Variants in SP140L observed in about 807,000 individuals in gnomAD.
SP140L encodes the protein nuclear body protein SP140-like protein.
Under a neutral mutation model 84.3 loss-of-function variants are expected in SP140L, and 64 were observed. The observed-to-expected ratio is 0.76, with a 90% confidence interval of 0.62 to 0.94. The LOEUF is 0.94. Ranked by LOEUF, SP140L falls within the 40% of genes least tolerant of loss-of-function variation. SP140L has a pLI of 0.00. For synonymous variants in SP140L, 242 were observed against 236.9 expected (o/e 1.02, Z -0.20); for missense variants, 628 against 692.5 (o/e 0.91, Z 1.05).
In SP140L at chr2:230,357,953, A is replaced by G. The variant is rs779833276; in HGVS notation, c.256A>G (p.Asn86Asp). The G allele has an allele frequency of 2.5e-6, 4 of 1,613,086 alleles. No individual in the cohort carries two copies. The Admixed American group carries it at 5.0e-5, about 20-fold the overall frequency. ...EGLRDRELIT[N>D]KMFEDSEDSC... The stretch of plus-strand genomic sequence containing the variant: ...CCTCCGCGATCGGGAACTCATCACA[A>G]ATAAAATGTTTGAAGTAAGTAAAGT... Residue 86 changes from asparagine (N) to aspartate (D), a missense_variant, in exon 3 of 19, where the codon AAT becomes GAT. Coordinates refer to ENST00000415673, the MANE Select transcript of SP140L (RefSeq NM_138402.6).
chr2:230,361,708 C>G lies in SP140L; in HGVS notation c.523+11C>G. The G allele has an allele frequency of 6.5e-7, 1 of 1,549,828 alleles. No homozygotes were observed. The highest frequency in any genetic ancestry group is 8.7e-7 in the Non-Finnish European group (1 of 1,143,904). On this transcript the variant is annotated intron_variant, in intron 5 of 18. Transcript: ENST00000415673. The stretch of plus-strand genomic sequence containing the variant: ...TAAGTCTTAAACAAGGTAAAAATGA[C>G]AGAATAAAAACGGTTTCTCATCCGC...
chr2:230,330,091 G>C (rs1330798750), intron 2 of SP140L, among the ~76,000 whole-genome samples: 1 of 152,056 alleles, frequency 6.6e-6, no homozygotes, highest in African/African-American at 2.4e-5. Flanking sequence ...CAACCCATCT[G>C]GGCAGGCTCG....
intron 2 of SP140L, among the ~76,000 whole-genome samples, chr2:230,356,539 G>A (rs1427696229): frequency 6.6e-6 from 1 of 152,194 alleles, no homozygotes; most frequent in Non-Finnish European, 1.5e-5. Context: ...ATTAACATCT[G>A]ACAGAATAAA....
At position 230,402,904 on chromosome 2, in the gene SP140L, A is replaced by G; in HGVS notation, c.*8A>G. ...ACAAATGGGAACAGTTGACTGGTTTAGTGGATGCTGAAGGCCTTCAGGAAA... is the reference window on the plus strand; with the variant it reads ...ACAAATGGGAACAGTTGACTGGTTTGGTGGATGCTGAAGGCCTTCAGGAAA... On this transcript the variant is annotated 3_prime_UTR_variant, in exon 19 of 19. Coordinates refer to ENST00000415673, the MANE Select transcript of SP140L (RefSeq NM_138402.6). 2 of 1,602,366 alleles carry G rather than the reference A, an allele frequency of 1.2e-6. No individual in the cohort carries two copies. Among genetic ancestry groups the G allele is most frequent in the Non-Finnish European group, 1.7e-6 (2 of 1,175,898 alleles).
intron 4 of SP140L, among the ~76,000 whole-genome samples, chr2:230,361,292 C>A (rs1235152659): frequency 6.6e-6 from 1 of 152,148 alleles, no homozygotes; most frequent in East Asian, 1.9e-4. Flanking sequence ...GGACTTGAGA[C>A]CATCCTTCCA....
intron 5 of SP140L, among the ~76,000 whole-genome samples, chr2:230,369,896 C>G (rs1021633020): frequency 6.6e-6 from 1 of 152,154 alleles, no homozygotes; most frequent in Admixed American, 6.5e-5. Context: ...GCCTCAGCCT[C>G]CCAAGTAGCT....
chr2:230,383,412 C>G (rs1326360791), intron 7 of SP140L, 98 bp from the exon 8 acceptor site: 2 of 1,329,942 alleles, frequency 1.5e-6, no homozygotes, highest in Non-Finnish European at 2.0e-6. Context: ...TTCCTGTGGA[C>G]CAAAGTATGA....
intron 7 of SP140L, among the ~76,000 whole-genome samples, chr2:230,377,963 AC>A (rs2061299690): frequency 6.6e-6 from 1 of 152,038 alleles, no homozygotes; most frequent in Non-Finnish European, 1.5e-5. Context: ...GAGATCTATA[AC>A]CCATTTTGAG....
chr2:230,359,835 G>A (rs753333016), intron 4 of SP140L, among the ~76,000 whole-genome samples: 37 of 151,192 alleles, frequency 2.4e-4, no homozygotes, highest in Non-Finnish European at 4.1e-4. Flanking sequence ...AGGATAAATA[G>A]TTTTGTTAAC....
At chr2:230,335,447 C>G (rs1336107151) in intron 2 of SP140L, among the ~76,000 whole-genome samples, 1 of 152,150 alleles carries the variant, frequency 6.6e-6, no homozygotes, top group African/African-American at 2.4e-5. Context: ...TCCTGATTAA[C>G]CTAAGAAGCG....
chr2:230,336,351 T>C (rs1323256018), intron 2 of SP140L, among the ~76,000 whole-genome samples: 1 of 152,226 alleles, frequency 6.6e-6, no homozygotes, highest in African/African-American at 2.4e-5. Context: ...TTGCAGCCTG[T>C]TGCAACAGTT....
At chr2:230,335,521 G>A (rs2059844077) in intron 2 of SP140L, among the ~76,000 whole-genome samples, 1 of 152,230 alleles carries the variant, frequency 6.6e-6, no homozygotes, top group Admixed American at 6.5e-5. Flanking sequence ...CTGTCCTTGG[G>A]TTGTTTACTC....
chr2:230,361,931 T>C (rs748320421), intron 5 of SP140L, among the ~76,000 whole-genome samples: 2 of 152,154 alleles, frequency 1.3e-5, no homozygotes, highest in Non-Finnish European at 2.9e-5. Context: ...GAGCCAAGTG[T>C]GTCAGTAGGC....
intron 7 of SP140L, among the ~76,000 whole-genome samples, chr2:230,377,598 G>A (rs1157450434): frequency 6.6e-6 from 1 of 152,158 alleles, no homozygotes; most frequent in African/African-American, 2.4e-5. Context: ...AAGCTGACAG[G>A]AACATCTGAA....
At chr2:230,384,829 T>G (rs1228511031) in intron 8 of SP140L, among the ~76,000 whole-genome samples, 4 of 152,098 alleles carry the variant, frequency 2.6e-5, no homozygotes, top group Non-Finnish European at 5.9e-5. Context: ...GGAGAATCAC[T>G]TGAACCCAAA....
intron 2 of SP140L, among the ~76,000 whole-genome samples, chr2:230,340,243 T>C (rs968168556): frequency 1.3e-5 from 2 of 151,034 alleles, no homozygotes; most frequent in Non-Finnish European, 3.0e-5. Context: ...TACCATTATG[T>C]AATGGCCTTC....
At chr2:230,382,196 AG>A (rs2061432349) in intron 7 of SP140L, among the ~76,000 whole-genome samples, 1 of 147,578 alleles carries the variant, frequency 6.8e-6, no homozygotes, top group African/African-American at 2.5e-5. Context: ...GACTGAGAAC[AG>A]GGGTAGGGAC....
chr2:230,364,251 A>G (rs1186848861), intron 5 of SP140L, among the ~76,000 whole-genome samples: 1 of 152,162 alleles, frequency 6.6e-6, no homozygotes. Context: ...CACTGTGGAT[A>G]GTATGAACAT....
intron 9 of SP140L, 124 bp downstream of exon 9, chr2:230,385,428 C>A (rs1313117329): frequency 9.6e-6 from 8 of 834,736 alleles, no homozygotes; most frequent in Non-Finnish European, 1.3e-5. Context: ...GCAGTGAAAT[C>A]TAAAAAACAG....
Sources: gnomAD v4.1 joint callset for allele counts (sites outside exome capture counted in the v4.1 genomes callset) on GRCh38, gnomAD v4.1.1 for gene constraint, MANE v1.5 for transcripts, NCBI Gene and HGNC (gene_info 2026-07-23, HGNC 2026-07-21) for gene names.